Variants in SLC13A3 observed in about 807,000 individuals in gnomAD.
SLC13A3 encodes Na(+)/dicarboxylate cotransporter 3.
SLC13A3 carries 40 observed loss-of-function variants against 59.0 expected under a neutral mutation model. The observed-to-expected ratio is 0.68, with a 90% CI of 0.53 to 0.88. SLC13A3 has a LOEUF of 0.88. SLC13A3 is among the 40% of genes least tolerant of loss of function. The pLI is 0.00. For missense variants in SLC13A3, 699 were observed against 783.2 expected, an observed-to-expected ratio of 0.89 and a Z score of 1.28; for synonymous variants, 317 against 330.3, an observed-to-expected ratio of 0.96 and a Z score of 0.44.
chr20:46,680,384 C>T (rs145854069), intron 1 of SLC13A3, among the ~76,000 whole-genome samples: 1 of 152,346 alleles, frequency 6.6e-6, no homozygotes, highest in African/African-American at 2.4e-5. Flanking sequence ...GTGCCATGCA[C>T]TGTGGTAGTG....
chr20:46,665,868 C>T (rs79618211), intron 1 of SLC13A3, among the ~76,000 whole-genome samples: 1,674 of 152,316 alleles, frequency 0.011, 29 homozygotes, highest in African/African-American at 0.037. Context: ...GCAGTGTATG[C>T]GGGTTCCAGT....
At chr20:46,658,208 C>CA (rs544006699) in intron 1 of SLC13A3, among the ~76,000 whole-genome samples, 2,621 of 149,050 alleles carry the variant, frequency 0.018, 76 homozygotes, top group African/African-American at 0.061. Flanking sequence ...AAATAAATAT[C>CA]AAAAAAAAAC....
chr20:46,615,016 T>C (rs182285246), intron 1 of SLC13A3, among the ~76,000 whole-genome samples: 3 of 152,306 alleles, frequency 2.0e-5, no homozygotes, highest in Admixed American at 2.0e-4. Flanking sequence ...TGCACATTTG[T>C]CAAAACCTGT....
intron 3 of SLC13A3, chr20:46,600,608 T>C: frequency 2.1e-6 from 1 of 466,492 alleles, no homozygotes; most frequent in Non-Finnish European, 4.5e-6. Flanking sequence ...ATTGCCAAAG[T>C]TGTGAAAGGC....
intron 3 of SLC13A3, among the ~76,000 whole-genome samples, 195 bp from the exon 4 acceptor site, chr20:46,600,232 G>A (rs759464196): frequency 7.1e-6 from 1 of 140,396 alleles, no homozygotes. Flanking sequence ...GGGGGAGGGA[G>A]GGAGGGAGAG....
intron 5 of SLC13A3, among the ~76,000 whole-genome samples, chr20:46,593,602 ATT>A (rs1257336876): frequency 6.6e-6 from 1 of 152,208 alleles, no homozygotes; most frequent in Admixed American, 6.5e-5. Flanking sequence ...AAATAAAAAT[ATT>A]GTTTTAAAAA....
intron 1 of SLC13A3, among the ~76,000 whole-genome samples, chr20:46,679,467 C>T (rs1167349011): frequency 2.0e-5 from 3 of 152,054 alleles, no homozygotes; most frequent in Non-Finnish European, 2.9e-5. Context: ...TACAAAAATT[C>T]GCCGGGCGTG....
At chr20:46,645,221 G>A (rs756514628) in intron 1 of SLC13A3, among the ~76,000 whole-genome samples, 8 of 152,272 alleles carry the variant, frequency 5.3e-5, no homozygotes, top group South Asian at 2.1e-4. Flanking sequence ...TCAGAAAGCC[G>A]CCTGTGGATT....
At chr20:46,579,633 C>T (rs1182627248) in intron 9 of SLC13A3, among the ~76,000 whole-genome samples, 1 of 152,210 alleles carries the variant, frequency 6.6e-6, no homozygotes, top group Non-Finnish European at 1.5e-5. Flanking sequence ...ATGCTGGAAA[C>T]TCCAGTTCAA....
rs1323134939 is a variant in SLC13A3 at position 46,575,794 on chromosome 20, C to A, written c.1220-109G>T. On this transcript the variant is annotated intron_variant, in intron 9 of 12. Coordinates refer to ENST00000279027, the MANE Select transcript of SLC13A3 (RefSeq NM_022829.6). ...GGGACACTCAGGGGTCCCCAGGAAG[C>A]CAAAGTGTGGATCCAGCATTTGACT... The A allele has an allele frequency of 1.8e-5, 10 of 546,620 alleles. No individual in the cohort carries two copies. The South Asian group carries it at 2.7e-4, about 15-fold the overall frequency. 33.9% of individuals were successfully genotyped at this position (546,620 alleles called of 1,614,324 possible). A position where few individuals can be genotyped will look rare whatever the true frequency, so the allele number is the denominator to read the frequency against.
chr20:46,568,524 T>C (rs2062001950), intron 10 of SLC13A3, among the ~76,000 whole-genome samples: 1 of 151,956 alleles, frequency 6.6e-6, no homozygotes. Context: ...AATAAATGCT[T>C]AAAAATATTT....
At chr20:46,608,077 C>T (rs758770782) in intron 3 of SLC13A3, among the ~76,000 whole-genome samples, 4 of 152,144 alleles carry the variant, frequency 2.6e-5, no homozygotes, top group Admixed American at 6.5e-5. Flanking sequence ...GGGTGACCAT[C>T]AGGCAGTTCT....
chr20:46,575,722 C>G lies in SLC13A3; in HGVS notation c.1220-37G>C, dbSNP rs369572762. 37 of 1,371,642 alleles carry G rather than the reference C, an allele frequency of 2.7e-5. No homozygotes were observed. The Admixed American group carries it at 7.8e-4, about 29-fold the overall frequency. The allele number at this position is 1,371,642 out of a possible 1,614,324, so 85.0% of individuals were successfully genotyped here. On this transcript the variant is annotated intron_variant, in intron 9 of 12. Coordinates refer to ENST00000279027, the MANE Select transcript of SLC13A3 (RefSeq NM_022829.6). ...GAGGGATTCAGCACACACTCAGGGC[C>G]GCTCAGCCTGAGGCAGAGGCCACCA... is the stretch of plus-strand genomic sequence containing the variant.
At chr20:46,623,079 A>G (rs1003102452) in intron 1 of SLC13A3, among the ~76,000 whole-genome samples, 1 of 152,200 alleles carries the variant, frequency 6.6e-6, no homozygotes, top group Non-Finnish European at 1.5e-5. Flanking sequence ...GAGAGCAGAG[A>G]AAAAGGGAAC....
intron 5 of SLC13A3, among the ~76,000 whole-genome samples, chr20:46,595,499 G>T (rs1222816692): frequency 1.3e-5 from 2 of 152,202 alleles, no homozygotes; most frequent in Non-Finnish European, 2.9e-5. Flanking sequence ...CCCTGCTTAT[G>T]GTTGGAAGGC....
intron 5 of SLC13A3, among the ~76,000 whole-genome samples, chr20:46,595,293 A>G (rs6094390): frequency 0.023 from 3,451 of 152,344 alleles, 147 homozygotes; most frequent in African/African-American, 0.078. Flanking sequence ...CACGTTGTGC[A>G]GTTGGAACAT....
chr20:46,590,697 T>A (rs555227125), intron 6 of SLC13A3, among the ~76,000 whole-genome samples: 3 of 152,142 alleles, frequency 2.0e-5, no homozygotes, highest in Non-Finnish European at 4.4e-5. Context: ...ACATTGTTCA[T>A]GGGAGAGGAA....
intron 1 of SLC13A3, among the ~76,000 whole-genome samples, chr20:46,620,484 A>G (rs1242883487): frequency 6.6e-6 from 1 of 152,236 alleles, no homozygotes; most frequent in East Asian, 1.9e-4. Context: ...AAACTGAAGC[A>G]AAAACAAATA....
intron 1 of SLC13A3, among the ~76,000 whole-genome samples, chr20:46,643,944 G>A (rs2062869702): frequency 6.6e-6 from 1 of 152,110 alleles, no homozygotes; most frequent in Non-Finnish European, 1.5e-5. Context: ...AGACTGATGT[G>A]AGAGGATCAC....
Sources: gnomAD v4.1 joint callset for allele counts (sites outside exome capture counted in the v4.1 genomes callset) on GRCh38, gnomAD v4.1.1 for gene constraint, MANE v1.5 for transcripts, NCBI Gene and HGNC (gene_info 2026-07-23, HGNC 2026-07-21) for gene names.